The following AOPEP variants were observed in gnomAD, a reference collection of about 807,000 sequenced individuals.
AOPEP encodes the protein aminopeptidase O.
Under a neutral mutation model 98.1 loss-of-function variants are expected in AOPEP, and 77 were observed. The observed-to-expected ratio is 0.78, with a 90% CI of 0.65 to 0.95. The LOEUF (loss-of-function observed/expected upper bound fraction) is 0.95. AOPEP is among the 40% of genes least tolerant of loss of function. The probability of loss-of-function intolerance (pLI) is 0.00; values close to 1 mark genes in which losing one functional copy is unlikely to be tolerated. For missense variants in AOPEP, 1,024 were observed against 1,024.7 expected (o/e 1.00, Z 0.01); for synonymous variants, 346 against 365.3 (o/e 0.95, Z 0.60).
At chr9:94,963,905 G>T (rs938939650) in intron 9 of AOPEP, among the ~76,000 whole-genome samples, 13 of 152,164 alleles carry the variant, frequency 8.5e-5, no homozygotes, top group African/African-American at 2.9e-4. Flanking sequence ...AAAAGCTTCT[G>T]TCATAAGTCC....
intron 13 of AOPEP, among the ~76,000 whole-genome samples, chr9:95,025,530 A>C (rs1337368663): frequency 6.6e-6 from 1 of 152,222 alleles, no homozygotes; most frequent in East Asian, 1.9e-4. Flanking sequence ...GGTACTTGGC[A>C]AAAGTTAATT....
At chr9:94,899,324 A>G (rs533275643) in intron 5 of AOPEP, among the ~76,000 whole-genome samples, 3 of 145,706 alleles carry the variant, frequency 2.1e-5, no homozygotes, top group Admixed American at 1.4e-4. Flanking sequence ...AGCTGGGACT[A>G]TAGGCGCCCG....
At chr9:94,855,505 G>A (rs1027193635) in intron 5 of AOPEP, among the ~76,000 whole-genome samples, 1 of 151,940 alleles carries the variant, frequency 6.6e-6, no homozygotes, top group Non-Finnish European at 1.5e-5. Flanking sequence ...CCTGACCAAC[G>A]TGGAGAAACC....
intron 5 of AOPEP, among the ~76,000 whole-genome samples, chr9:94,898,515 GAGGCAGGAGAATCGCTTGA>G (rs759195541): frequency 8.5e-5 from 13 of 152,204 alleles, no homozygotes; most frequent in South Asian, 4.2e-4. Flanking sequence ...TTGGAAGGCT[GAGGCAGGAGAATCGCTTGA>G]AGGCAGGAGA....
intron 5 of AOPEP, among the ~76,000 whole-genome samples, chr9:94,877,841 G>A (rs1166793433): frequency 6.6e-6 from 1 of 152,190 alleles, no homozygotes; most frequent in Non-Finnish European, 1.5e-5. Flanking sequence ...GCATCACTTG[G>A]ATAGGTTTTC....
chr9:95,111,088 T>A, the AOPEP span: 1 of 1,516,568 alleles, frequency 6.6e-7, no homozygotes, highest in Non-Finnish European at 8.8e-7. Flanking sequence ...GGGCCCTGGC[T>A]GTGGCCAGGC....
At position 94,759,891 on chromosome 9, in the gene AOPEP, T is replaced by G. The variant is rs756041528; in HGVS notation, c.108T>G (p.Ser36Arg). 1.9e-6 allele frequency: 3 copies of G among 1,614,102 alleles called. No homozygotes were observed. In the Admixed American group the frequency reaches 5.0e-5, roughly 27 times the overall value. The change falls in exon 2 of 17, where the codon AGT becomes AGG. Residue 36 changes from serine to arginine, a missense_variant. Transcript: ENST00000375315. ...YVLDLDVDFE[S>R]QVIEGTIVLF... ...TGGATTTGGATGTGGATTTTGAAAGTCAAGTCATTGAGGGGACCATAGTGC... is the reference window on the plus strand; with the variant it reads ...TGGATTTGGATGTGGATTTTGAAAGGCAAGTCATTGAGGGGACCATAGTGC...
At chr9:94,964,982 A>C (rs1022966724) in intron 9 of AOPEP, among the ~76,000 whole-genome samples, 1 of 152,190 alleles carries the variant, frequency 6.6e-6, no homozygotes, top group Non-Finnish European at 1.5e-5. Flanking sequence ...TCCTATCCAC[A>C]AGCCAGTGAG....
chr9:95,033,604 TGAA>T (rs1397833665), intron 13 of AOPEP, among the ~76,000 whole-genome samples: 2 of 152,146 alleles, frequency 1.3e-5, no homozygotes, highest in African/African-American at 2.4e-5. Flanking sequence ...TTCGTAAAAA[TGAA>T]GTAGTAGGTT....
chr9:94,856,702 G>A (rs140689434), intron 5 of AOPEP, among the ~76,000 whole-genome samples: 10 of 150,166 alleles, frequency 6.7e-5, no homozygotes, highest in African/African-American at 1.5e-4. Flanking sequence ...TGTAAATGTC[G>A]TATTACAAAG....
chr9:94,760,479 A>C lies in AOPEP; in HGVS notation c.696A>C (p.Thr232=). 6.2e-7 allele frequency: 1 copy of C among 1,613,084 alleles called. No homozygotes were observed. The highest frequency in any genetic ancestry group is 1.1e-5 in the South Asian group (1 of 90,882). The change falls in exon 2 of 17, where the codon ACA becomes ACC. Residue 232 remains threonine, a synonymous_variant. Transcript: ENST00000375315. ...CTTGGAGCTTGCAGATAAGGAAGAC[A>C]GGGGCTCAGACAGCTACTGACTTTC... ...TDTWSLQIRK[T]GAQTATDFPH...
intron 13 of AOPEP, among the ~76,000 whole-genome samples, chr9:95,007,375 G>T (rs1328537147): frequency 2.4e-5 from 2 of 82,074 alleles, no homozygotes; most frequent in Admixed American, 2.9e-4. Flanking sequence ...TGAGAATCGG[G>T]GTGGGGAGAA....
chr9:94,792,945 GGA>G, intron 4 of AOPEP, 27 bp downstream of exon 4: 1 of 1,507,550 alleles, frequency 6.6e-7, no homozygotes, highest in Non-Finnish European at 8.9e-7. Flanking sequence ...TTGCTGGGAA[GGA>G]AAAAAAAAAA....
chr9:95,129,708 A>G, the AOPEP span, among the ~76,000 whole-genome samples: 3 of 152,150 alleles, frequency 2.0e-5, no homozygotes, highest in Non-Finnish European at 4.4e-5. Context: ...CAGGCAGATC[A>G]TTTCAACTCG....
intron 1 of AOPEP, among the ~76,000 whole-genome samples, chr9:94,749,128 T>C (rs909523242): frequency 2.0e-5 from 3 of 152,338 alleles, no homozygotes; most frequent in Non-Finnish European, 2.9e-5. Context: ...TTTAAACAAA[T>C]TTATTTATTC....
chr9:94,994,969 G>C (rs2061130955), intron 11 of AOPEP, among the ~76,000 whole-genome samples: 1 of 152,114 alleles, frequency 6.6e-6, no homozygotes, highest in African/African-American at 2.4e-5. Flanking sequence ...AAAAAAAGAA[G>C]TATCAAATTT....
intron 14 of AOPEP, among the ~76,000 whole-genome samples, chr9:95,063,011 C>T (rs1207949103): frequency 5.3e-5 from 8 of 152,192 alleles, no homozygotes; most frequent in Non-Finnish European, 7.3e-5. Flanking sequence ...AGGCTGCGCT[C>T]CTTGATGCTC....
intron 5 of AOPEP, among the ~76,000 whole-genome samples, chr9:94,888,375 A>C (rs2048482441): frequency 1.3e-5 from 2 of 150,316 alleles, no homozygotes; most frequent in Admixed American, 6.7e-5. Context: ...GAAAGTTGCA[A>C]AGACCTGTAC....
intron 16 of AOPEP, among the ~76,000 whole-genome samples, chr9:95,083,545 C>G (rs546144739): frequency 8.0e-5 from 12 of 150,534 alleles, no homozygotes; most frequent in Non-Finnish European, 1.5e-5. Context: ...GCAGAGTACA[C>G]GCGGCACACA....
Sources: gnomAD v4.1 joint callset for allele counts (sites outside exome capture counted in the v4.1 genomes callset) on GRCh38, gnomAD v4.1.1 for gene constraint, MANE v1.5 for transcripts, NCBI Gene and HGNC (gene_info 2026-07-23, HGNC 2026-07-21) for gene names.